NAV2: variants seen among roughly 807,000 people sequenced by gnomAD.
NAV2 encodes helicase, APC down-regulated 1.
In NAV2, 54 loss-of-function variants were observed where a neutral mutation model predicts 223.2. The observed-to-expected ratio is 0.24, with a 90% CI of 0.19 to 0.30. The LOEUF (loss-of-function observed/expected upper bound fraction) is 0.30, where lower values mean the gene tolerates loss of function less well. NAV2 is among the 10% of genes least tolerant of loss of function. NAV2 has a pLI of 1.00. For synonymous variants in NAV2, 1,279 were observed against 1,239.3 expected, an observed-to-expected ratio of 1.03 and a Z score of -0.67; for missense variants, 2,806 against 3,147.5, an observed-to-expected ratio of 0.89 and a Z score of 2.60.
chr11:19,609,475 G>A (rs1011882385), intron 1 of NAV2, among the ~76,000 whole-genome samples: 1 of 152,164 alleles, frequency 6.6e-6, no homozygotes, highest in African/African-American at 2.4e-5. Context: ...GGTGAAGGGA[G>A]GGTGAAGGTA....
At chr11:19,649,835 AG>A (rs1338263981) in intron 1 of NAV2, among the ~76,000 whole-genome samples, 2 of 152,246 alleles carry the variant, frequency 1.3e-5, no homozygotes, top group African/African-American at 4.8e-5. Context: ...GCACATGAAA[AG>A]ACCCTCAGTA....
chr11:19,460,698 A>G (rs527454834), intron 1 of NAV2, among the ~76,000 whole-genome samples: 11 of 152,048 alleles, frequency 7.2e-5, no homozygotes, highest in Non-Finnish European at 1.5e-4. Flanking sequence ...TACCTAATGT[A>G]AATGGGTGCA....
chr11:19,465,384 T>C (rs1323720154), intron 1 of NAV2, among the ~76,000 whole-genome samples: 2 of 152,204 alleles, frequency 1.3e-5, no homozygotes, highest in Middle Eastern at 3.2e-3. Context: ...AGATCTTAAC[T>C]TTTTCTTTTA....
intron 5 of NAV2, chr11:19,884,233 G>A: frequency 2.4e-6 from 3 of 1,248,766 alleles, no homozygotes; most frequent in Non-Finnish European, 3.5e-6. Context: ...GGATTTGTGT[G>A]TCTAATGTAT....
chr11:20,099,951 C>T (rs1592144545), intron 31 of NAV2, among the ~76,000 whole-genome samples: 1 of 152,114 alleles, frequency 6.6e-6, no homozygotes, highest in East Asian at 1.9e-4. Flanking sequence ...TTGTCCCTAG[C>T]AGATAAGACA....
chr11:19,404,551 C>A, intron 1 of NAV2, among the ~76,000 whole-genome samples: 1 of 46,588 alleles, frequency 2.1e-5, no homozygotes, highest in African/African-American at 5.2e-5. Flanking sequence ...ATAGTTTCTG[C>A]AGCTTTAACC....
intron 10 of NAV2, among the ~76,000 whole-genome samples, chr11:19,951,583 A>AAAGC (rs34652610): frequency 4.5e-3 from 1 of 222 alleles, no homozygotes; most frequent in Non-Finnish European, 0.011. Context: ...ATCCTGTAAT[A>AAAGC]GTTGATTTTA....
chr11:19,528,058 C>T (rs1220155681), intron 1 of NAV2, among the ~76,000 whole-genome samples: 8 of 152,032 alleles, frequency 5.3e-5, no homozygotes, highest in Non-Finnish European at 1.2e-4. Context: ...TTTGTGAAAT[C>T]AAGCCACGTT....
chr11:19,947,473 T>C (rs960510787), intron 9 of NAV2, among the ~76,000 whole-genome samples: 26 of 152,216 alleles, frequency 1.7e-4, no homozygotes, highest in Admixed American at 1.7e-3. Context: ...ACTCTACCAT[T>C]AGGTGTGAAA....
chr11:20,016,386 A>T (rs1034783980), intron 11 of NAV2, among the ~76,000 whole-genome samples: 1 of 152,240 alleles, frequency 6.6e-6, no homozygotes, highest in African/African-American at 2.4e-5. Context: ...TGGATAACAG[A>T]TTGGATACTG....
chr11:19,416,932 T>C (rs984325286), intron 1 of NAV2, among the ~76,000 whole-genome samples: 1 of 152,198 alleles, frequency 6.6e-6, no homozygotes, highest in African/African-American at 2.4e-5. Flanking sequence ...TTACACCTTA[T>C]ACAAACATTA....
chr11:19,853,584 A>G (rs535887631), intron 3 of NAV2, among the ~76,000 whole-genome samples: 11 of 152,164 alleles, frequency 7.2e-5, no homozygotes, highest in African/African-American at 1.7e-4. Flanking sequence ...TCTTTTTGCA[A>G]TGTGGCCCAG....
intron 6 of NAV2, among the ~76,000 whole-genome samples, chr11:19,921,271 A>G (rs932523959): frequency 2.6e-5 from 4 of 152,190 alleles, no homozygotes; most frequent in African/African-American, 9.7e-5. Flanking sequence ...ACAATCATAG[A>G]GAGTGAATAA....
chr11:19,431,691 C>A lies in NAV2; in HGVS notation c.75+80664C>A, dbSNP rs182762872. On this transcript the variant is annotated intron_variant, in intron 1 of 37. Coordinates refer to the NAV2 transcript ENST00000360655. ...AAACAAACAAACAAATGCCTGGTGTCGGAAGATAGAATTTAGATTAAGAGC... is the reference window on the plus strand; with the variant it reads ...AAACAAACAAACAAATGCCTGGTGTAGGAAGATAGAATTTAGATTAAGAGC... 1.3e-3 allele frequency among the ~76,000 whole-genome samples: 201 copies of A among 152,194 alleles called. 1 individual carries two copies. The highest frequency in any genetic ancestry group is 4.6e-3 in the African/African-American group (192 of 41,524).
At chr11:19,384,190 T>C (rs528573158) in intron 1 of NAV2, among the ~76,000 whole-genome samples, 9 of 152,322 alleles carry the variant, frequency 5.9e-5, no homozygotes, top group African/African-American at 2.2e-4. Context: ...AACGTATATA[T>C]GCAGAAAGAA....
intron 1 of NAV2, among the ~76,000 whole-genome samples, chr11:19,689,717 C>T (rs753617192): frequency 1.2e-4 from 18 of 152,320 alleles, no homozygotes; most frequent in Middle Eastern, 6.8e-3. Context: ...ATGAATTCAG[C>T]TAATCAGCTT....
chr11:19,576,617 A>G (rs916790655), intron 1 of NAV2, among the ~76,000 whole-genome samples: 9 of 152,190 alleles, frequency 5.9e-5, no homozygotes, highest in Admixed American at 6.5e-5. Context: ...ACTTGTATAT[A>G]TTTAGCTTGT....
chr11:19,682,057 G>T (rs535883358), intron 1 of NAV2, among the ~76,000 whole-genome samples: 2 of 152,232 alleles, frequency 1.3e-5, no homozygotes, highest in Admixed American at 1.3e-4. Flanking sequence ...TTCCAGGGCT[G>T]CCCACTACCA....
At chr11:19,666,173 G>A (rs928640329) in intron 1 of NAV2, among the ~76,000 whole-genome samples, 11 of 152,204 alleles carry the variant, frequency 7.2e-5, no homozygotes, top group South Asian at 2.1e-4. Context: ...TCTCTCTGAC[G>A]TTAAAATCAC....
Sources: allele counts gnomAD v4.1 joint callset (sites outside exome capture counted in the v4.1 genomes callset), GRCh38; gene constraint gnomAD v4.1.1; transcripts MANE v1.5; gene names NCBI Gene and HGNC (gene_info 2026-07-23, HGNC 2026-07-21).